Variants in ZNF343 observed in about 807,000 individuals in gnomAD.
The protein encoded by ZNF343 is zinc finger protein 343.
In ZNF343, 11 loss-of-function variants were observed where a neutral mutation model predicts 13.8. The observed-to-expected ratio is 0.80, with a 90% CI of 0.50 to 1.32. ZNF343 has a LOEUF of 1.32. Among genes scored for constraint, ZNF343 ranks in the 40% most tolerant of loss-of-function variants. The pLI is 0.00. For synonymous variants in ZNF343, 248 were observed against 260.0 expected (o/e 0.95, Z 0.44); for missense variants, 658 against 714.2 (o/e 0.92, Z 0.90).
intron 1 of ZNF343, among the ~76,000 whole-genome samples, chr20:2,524,178 A>C (rs1057156376): frequency 6.6e-6 from 1 of 151,632 alleles, no homozygotes; most frequent in Non-Finnish European, 1.5e-5. Flanking sequence ...TTAGCTGGGC[A>C]TGGTAGCACA....
At chr20:2,521,755 T>C (rs1257830578) in intron 1 of ZNF343, among the ~76,000 whole-genome samples, 3 of 152,166 alleles carry the variant, frequency 2.0e-5, no homozygotes, top group African/African-American at 7.2e-5. Flanking sequence ...GCTTCTGAAA[T>C]GGAAGATGGG....
At chr20:2,519,433 A>G (rs559845726) in intron 1 of ZNF343, among the ~76,000 whole-genome samples, 1 of 152,318 alleles carries the variant, frequency 6.6e-6, no homozygotes, top group Non-Finnish European at 1.5e-5. Context: ...ACCTCACTGA[A>G]TAGAACAAAA....
At chr20:2,493,619 A>G in intron 3 of ZNF343, 42 bp from the exon 4 acceptor site, 1 of 668,658 alleles carries the variant, frequency 1.5e-6, no homozygotes, top group South Asian at 1.4e-5. Flanking sequence ...AGACCCCCCC[A>G]CCCCCCACCC....
chr20:2,493,020 T>C, intron 4 of ZNF343, 195 bp from the exon 5 acceptor site: 1 of 647,552 alleles, frequency 1.5e-6, no homozygotes, highest in Non-Finnish European at 2.6e-6. Flanking sequence ...GGAGCATAAC[T>C]GAGCACAGAA....
At chr20:2,489,229 G>A (rs183910603) in intron 5 of ZNF343, among the ~76,000 whole-genome samples, 271 of 152,176 alleles carry the variant, frequency 1.8e-3, no homozygotes, top group Non-Finnish European at 2.1e-3. Flanking sequence ...AAATAATTTG[G>A]CCAGAAAGGG....
intron 1 of ZNF343, among the ~76,000 whole-genome samples, chr20:2,519,667 A>T (rs1274405845): frequency 6.6e-6 from 1 of 152,234 alleles, no homozygotes; most frequent in East Asian, 1.9e-4. Flanking sequence ...ATTCAGGAAA[A>T]ATGATAGATT....
chr20:2,501,262 G>C (rs966358135), intron 1 of ZNF343, among the ~76,000 whole-genome samples: 1 of 152,166 alleles, frequency 6.6e-6, no homozygotes, highest in African/African-American at 2.4e-5. Flanking sequence ...GGCTGGGGGA[G>C]GGGCACCCAC....
chr20:2,519,493 A>T (rs1400405391), intron 1 of ZNF343, among the ~76,000 whole-genome samples: 1 of 152,210 alleles, frequency 6.6e-6, no homozygotes, highest in East Asian at 1.9e-4. Context: ...CTGCCTTTAG[A>T]CTGGAACTGC....
At chr20:2,501,044 G>A (rs1209225973) in intron 1 of ZNF343, among the ~76,000 whole-genome samples, 1 of 152,110 alleles carries the variant, frequency 6.6e-6, no homozygotes, top group Non-Finnish European at 1.5e-5. Flanking sequence ...AGGGGTCAGG[G>A]AATTCCTTTC....
At chr20:2,501,382 G>C (rs905847382) in intron 1 of ZNF343, among the ~76,000 whole-genome samples, 6 of 152,202 alleles carry the variant, frequency 3.9e-5, no homozygotes, top group Admixed American at 2.6e-4. Flanking sequence ...CTCCACCTCT[G>C]GGGGCAGGGC....
intron 2 of ZNF343, among the ~76,000 whole-genome samples, chr20:2,499,325 C>T (rs1188878363): frequency 8.5e-5 from 11 of 130,070 alleles, no homozygotes; most frequent in African/African-American, 2.8e-4. Flanking sequence ...ATTAGCCGGG[C>T]GTAGTGGCGG....
Position 2,493,625 on chromosome 20 carries a change from C to G in ZNF343, c.119-48G>C, listed in dbSNP as rs372705651. 145 of 960,528 alleles carry G rather than the reference C, an allele frequency of 1.5e-4. 1 individual carries two copies. Among genetic ancestry groups the G allele is most frequent in the Non-Finnish European group, 2.0e-4 (135 of 676,160 alleles). The allele number at this position is 960,528 out of a possible 1,614,324, so 59.5% of individuals were successfully genotyped here. A position where few individuals can be genotyped will look rare whatever the true frequency, so the allele number is the denominator to read the frequency against. On this transcript the variant is annotated intron_variant, in intron 3 of 5. Coordinates refer to ENST00000278772, the MANE Select transcript of ZNF343 (RefSeq NM_024325.6). ...TGAGAAACCAGACCCCCCCACCCCC[C>G]ACCCCCCACCATGACGCTCCCTGAG...
At chr20:2,511,683 G>A (rs1388812348), upstream of ZNF343, among the ~76,000 whole-genome samples, 2 of 152,212 alleles carry the variant, frequency 1.3e-5, no homozygotes, top group African/African-American at 2.4e-5. Flanking sequence ...ATTCATAAAA[G>A]AGAAAATTAG....
chr20:2,508,875 G>C lies in ZNF343; in HGVS notation c.-237+6C>G, dbSNP rs951036635. On this transcript the variant is annotated splice_donor_region_variant and intron_variant, in intron 1 of 5. Coordinates refer to ENST00000278772, the MANE Select transcript of ZNF343 (RefSeq NM_024325.6). The surrounding 1 kb of genome is among the most constrained non-coding windows in gnomAD (Gnocchi z 4.5). ...GGGGCCAAGGAGCCGCGGAGGCCGC[G>C]CTCACCAGAGCCAGCGTGCCCGGGA... 1.3e-5 allele frequency: 2 copies of C among 152,252 alleles called. No homozygotes were observed. Among genetic ancestry groups the C allele is most frequent in the African/African-American group, 2.4e-5 (1 of 41,458 alleles). 9.4% of individuals were successfully genotyped at this position (152,252 alleles called of 1,614,324 possible). A position where few individuals can be genotyped will look rare whatever the true frequency, so the allele number is the denominator to read the frequency against.
At chr20:2,503,364 A>T (rs1254400450) in intron 1 of ZNF343, among the ~76,000 whole-genome samples, 2 of 152,168 alleles carry the variant, frequency 1.3e-5, no homozygotes, top group Non-Finnish European at 2.9e-5. Flanking sequence ...ATAATGGGAG[A>T]CTTTAACACC....
At chr20:2,491,028 A>G (rs145219966) in intron 5 of ZNF343, among the ~76,000 whole-genome samples, 138 of 152,346 alleles carry the variant, frequency 9.1e-4, no homozygotes, top group African/African-American at 3.1e-3. Context: ...TGATTAAATC[A>G]TATCAGGGAA....
chr20:2,506,513 C>A (rs1480460953), intron 1 of ZNF343, among the ~76,000 whole-genome samples: 1 of 152,016 alleles, frequency 6.6e-6, no homozygotes, highest in Non-Finnish European at 1.5e-5. Flanking sequence ...TATTGCGGCA[C>A]TATTCACAAT....
intron 5 of ZNF343, among the ~76,000 whole-genome samples, chr20:2,489,058 A>C (rs1175158034): frequency 6.6e-6 from 1 of 152,136 alleles, no homozygotes; most frequent in Non-Finnish European, 1.5e-5. Flanking sequence ...AATATATATA[A>C]ATTTTTTTTA....
intron 1 of ZNF343, among the ~76,000 whole-genome samples, chr20:2,519,053 G>A (rs983723870): frequency 2.6e-5 from 4 of 152,132 alleles, no homozygotes; most frequent in African/African-American, 9.7e-5. Flanking sequence ...CCAGCCATGT[G>A]CAACTGTGAG....
Sources: allele counts gnomAD v4.1 joint callset (sites outside exome capture counted in the v4.1 genomes callset), GRCh38; gene constraint gnomAD v4.1.1; non-coding constraint Gnocchi (gnomAD v3.1); transcripts MANE v1.5; gene names NCBI Gene and HGNC (gene_info 2026-07-23, HGNC 2026-07-21).